The following ZC3H12B variants were observed in gnomAD, a reference collection of about 807,000 sequenced individuals.
ZC3H12B encodes zinc finger CCCH-type containing 12B.
Under a neutral mutation model 43.9 loss-of-function variants are expected in ZC3H12B, and 7 were observed. The observed-to-expected ratio is 0.16, with a 90% CI of 0.09 to 0.30. The LOEUF (loss-of-function observed/expected upper bound fraction) is 0.30. Ranked by LOEUF, ZC3H12B falls within the 10% of genes least tolerant of loss-of-function variation. The pLI is 1.00. For missense variants in ZC3H12B, 475 were observed against 670.2 expected (o/e 0.71, Z 3.22); for synonymous variants, 222 against 241.7 (o/e 0.92, Z 0.76).
At chrX:65,130,195 C>T in the ZC3H12B span, among the ~76,000 whole-genome samples, 8 of 110,925 alleles carry the variant, frequency 7.2e-5, no homozygotes, top group African/African-American at 2.0e-4. Flanking sequence ...GTCAGTTTTA[C>T]CTTTCCTGAA....
At chrX:65,246,177 A>C in the ZC3H12B span, among the ~76,000 whole-genome samples, 1 of 111,670 alleles carries the variant, frequency 9.0e-6, no homozygotes, top group African/African-American at 3.3e-5. Flanking sequence ...CACAAAAAGA[A>C]TGAAATACCT....
intron 3 of ZC3H12B, among the ~76,000 whole-genome samples, chrX:65,436,500 C>T (rs1028925251): frequency 2.7e-5 from 3 of 112,311 alleles, no homozygotes; most frequent in Non-Finnish European, 5.6e-5. Context: ...AATTTAAATG[C>T]CGACCTTTTT....
intron 3 of ZC3H12B, among the ~76,000 whole-genome samples, chrX:65,462,808 C>T (rs147873537): frequency 1.8e-5 from 2 of 112,273 alleles, no homozygotes; most frequent in East Asian, 2.8e-4. Context: ...CAAAAAGACA[C>T]GTGCACTCGC....
chrX:65,151,126 A>G, the ZC3H12B span, among the ~76,000 whole-genome samples: 4 of 112,243 alleles, frequency 3.6e-5, no homozygotes, highest in Non-Finnish European at 3.8e-5. Flanking sequence ...TTTTTGTTCA[A>G]GATTTCTATG....
the ZC3H12B span, among the ~76,000 whole-genome samples, chrX:65,213,190 A>T: frequency 9.1e-6 from 1 of 109,454 alleles, no homozygotes; most frequent in Admixed American, 1.0e-4. Context: ...CTTTTTATTC[A>T]GCACTTAAAA....
chrX:65,212,038 ATG>A, the ZC3H12B span, among the ~76,000 whole-genome samples: 1 of 63,489 alleles, frequency 1.6e-5, no homozygotes, highest in Non-Finnish European at 2.6e-5. Flanking sequence ...GTTATGTATA[ATG>A]TATAATATAT....
At chrX:65,428,692 A>G (rs1447683731) in intron 3 of ZC3H12B, among the ~76,000 whole-genome samples, 3 of 112,192 alleles carry the variant, frequency 2.7e-5, no homozygotes, top group Non-Finnish European at 5.6e-5. Context: ...GCATTGGGTT[A>G]CAACATGTTC....
At chrX:65,288,353 A>G in the ZC3H12B span, among the ~76,000 whole-genome samples, 1 of 111,661 alleles carries the variant, frequency 9.0e-6, no homozygotes, top group South Asian at 3.7e-4. Flanking sequence ...GACACAAGAA[A>G]AAAAGAAAAC....
chrX:65,102,192 A>C, the ZC3H12B span, among the ~76,000 whole-genome samples: 21 of 111,917 alleles, frequency 1.9e-4, no homozygotes, highest in African/African-American at 6.8e-4. Context: ...CACGCCTTCA[A>C]GCTAAAAACT....
chrX:65,321,942 C>G, the ZC3H12B span, among the ~76,000 whole-genome samples: 1 of 110,875 alleles, frequency 9.0e-6, no homozygotes, highest in South Asian at 3.8e-4. Context: ...TATCAGGTAC[C>G]ATGTTTAATA....
At chrX:65,268,791 A>G in the ZC3H12B span, among the ~76,000 whole-genome samples, 1 of 111,932 alleles carries the variant, frequency 8.9e-6, no homozygotes, top group African/African-American at 3.2e-5. Context: ...ACTATAATCA[A>G]TGGGAAACAA....
chrX:65,122,236 T>G, the ZC3H12B span, among the ~76,000 whole-genome samples: 1 of 111,079 alleles, frequency 9.0e-6, no homozygotes, highest in Non-Finnish European at 1.9e-5. Flanking sequence ...ATATTCAACA[T>G]TCTTAAATAA....
chrX:65,185,165 A>G, the ZC3H12B span: 1 of 111,518 alleles, frequency 9.0e-6, no homozygotes, highest in African/African-American at 3.3e-5. Context: ...TAGTGGTTCC[A>G]TCATGCAACA....
chrX:65,232,049 C>T, the ZC3H12B span, among the ~76,000 whole-genome samples: 15 of 104,993 alleles, frequency 1.4e-4, no homozygotes, highest in African/African-American at 5.6e-4. Flanking sequence ...TCCTGGCTAA[C>T]ATGGTGAAAC....
chrX:65,374,068 G>GGA (rs1318524279), intron 2 of ZC3H12B, among the ~76,000 whole-genome samples: 4 of 53,528 alleles, frequency 7.5e-5, no homozygotes, highest in Admixed American at 2.7e-4. Flanking sequence ...TATATATACA[G>GGA]TATATATAAC....
the ZC3H12B span, among the ~76,000 whole-genome samples, chrX:65,049,285 A>T: frequency 9.0e-6 from 1 of 111,559 alleles, no homozygotes; most frequent in Non-Finnish European, 1.9e-5. Flanking sequence ...GTTTTCTTCT[A>T]GGAGTTTTAT....
At chrX:65,407,315 C>G (rs1171595106) in intron 3 of ZC3H12B, among the ~76,000 whole-genome samples, 1 of 6,106 alleles carries the variant, frequency 1.6e-4, no homozygotes, top group East Asian at 6.5e-3. Context: ...GTGGAGTAGC[C>G]CCGTCGGGCC....
the ZC3H12B span, among the ~76,000 whole-genome samples, chrX:65,150,306 A>T: frequency 9.0e-6 from 1 of 111,432 alleles, no homozygotes. Flanking sequence ...CAGCACCTAC[A>T]TCAAATGAAC....
chrX:65,282,941 G>A, the ZC3H12B span, among the ~76,000 whole-genome samples: 3 of 111,465 alleles, frequency 2.7e-5, no homozygotes, highest in Non-Finnish European at 5.7e-5. Context: ...CCAATCAATA[G>A]AAAAAGAGGG....
Sources: gnomAD v4.1 joint callset for allele counts (sites outside exome capture counted in the v4.1 genomes callset) on GRCh38, gnomAD v4.1.1 for gene constraint, MANE v1.5 for transcripts, NCBI Gene and HGNC (gene_info 2026-07-23, HGNC 2026-07-21) for gene names.